PMFBP1: variants seen among roughly 807,000 people sequenced by gnomAD.
PMFBP1 encodes polyamine modulated factor 1 binding protein 1.
Under a neutral mutation model 137.8 loss-of-function variants are expected in PMFBP1, and 131 were observed. The observed-to-expected ratio is 0.95, with a 90% CI of 0.82 to 1.10. The LOEUF (loss-of-function observed/expected upper bound fraction) is 1.10, where lower values mean the gene tolerates loss of function less well. PMFBP1 is among the 50% of genes least tolerant of loss of function. The probability of loss-of-function intolerance (pLI) is 0.00; values close to 1 mark genes in which losing one functional copy is unlikely to be tolerated. For missense variants in PMFBP1, 1,199 were observed against 1,175.4 expected (o/e 1.02, Z -0.29); for synonymous variants, 490 against 450.4 (o/e 1.09, Z -1.11).
Position 72,128,727 on chromosome 16 carries a change from G to A in PMFBP1, c.2018C>T (p.Ser673Phe). 3.1e-6 allele frequency: 5 copies of A among 1,614,112 alleles called. No individual in the cohort carries two copies. The highest frequency in any genetic ancestry group is 4.2e-6 in the Non-Finnish European group (5 of 1,180,002). Reference protein sequence around the residue: ...ENLRAELQCCSTQLESSLNKY... With the variant: ...ENLRAELQCCFTQLESSLNKY... ...GTTGAGAGAGGATTCCAGTTGTGTA[G>A]AACAACACTGTAGCTCTGCTCGGAG... Residue 673 changes from serine (S) to phenylalanine (F), a missense_variant, in exon 14 of 21, where the codon TCT becomes TTT. Physicochemically the swap from Ser to Phe is radical, Grantham distance 155. Transcript: ENST00000237353.
chr16:72,189,062 C>CG, the PMFBP1 span, among the ~76,000 whole-genome samples: 29 of 146,468 alleles, frequency 2.0e-4, no homozygotes, highest in East Asian at 4.6e-3. Context: ...TTAGTGTTGA[C>CG]TTTTTTTTTT....
At chr16:72,126,929 G>T (rs2042468831) in intron 14 of PMFBP1, among the ~76,000 whole-genome samples, 1 of 152,174 alleles carries the variant, frequency 6.6e-6, no homozygotes, top group Non-Finnish European at 1.5e-5. Flanking sequence ...TTTTTATGAT[G>T]ATCAAATGAG....
intron 4 of PMFBP1, among the ~76,000 whole-genome samples, chr16:72,153,921 TACACACACACACAC>T (rs3223525): frequency 7.0e-4 from 94 of 134,046 alleles, no homozygotes; most frequent in Non-Finnish European, 1.1e-3. Context: ...GATGGACTTA[TACACACACACACAC>T]ACACACACAC....
chr16:72,171,379 G>C, intron 1 of PMFBP1, 111 bp from the exon 2 acceptor site: 1 of 674,952 alleles, frequency 1.5e-6, no homozygotes, highest in Non-Finnish European at 2.5e-6. Flanking sequence ...AAATTTTCCT[G>C]AACTGTTAGC....
upstream of PMFBP1, among the ~76,000 whole-genome samples, chr16:72,180,088 T>C (rs1017998475): frequency 3.5e-4 from 53 of 152,296 alleles, no homozygotes; most frequent in African/African-American, 1.2e-3. Flanking sequence ...GCACAGTACA[T>C]GAGCAACCTC....
intron 5 of PMFBP1, among the ~76,000 whole-genome samples, chr16:72,149,486 C>G (rs1172674424): frequency 2.0e-5 from 3 of 152,102 alleles, no homozygotes; most frequent in Non-Finnish European, 4.4e-5. Context: ...GTAGTACATC[C>G]CTACTACAGA....
At chr16:72,128,303 C>G (rs941130635) in intron 14 of PMFBP1, 3 of 1,115,948 alleles carry the variant, frequency 2.7e-6, no homozygotes, top group Non-Finnish European at 3.5e-6. Context: ...CCCCTTTCAT[C>G]TCCTTTTTGT....
intron 2 of PMFBP1, among the ~76,000 whole-genome samples, chr16:72,169,326 T>C (rs2043188573): frequency 6.6e-6 from 1 of 152,242 alleles, no homozygotes; most frequent in African/African-American, 2.4e-5. Flanking sequence ...TTCACTTGTG[T>C]AATAGTAGAG....
the PMFBP1 span, among the ~76,000 whole-genome samples, chr16:72,205,322 G>A: frequency 1.3e-5 from 2 of 152,374 alleles, no homozygotes; most frequent in South Asian, 4.1e-4. Context: ...AGGGCGGTTG[G>A]CCTTGTGTTG....
the PMFBP1 span, among the ~76,000 whole-genome samples, chr16:72,234,848 T>C: frequency 6.6e-6 from 1 of 152,186 alleles, no homozygotes; most frequent in African/African-American, 2.4e-5. Context: ...CTTCACTGGA[T>C]AAATTTTTAT....
chr16:72,206,934 T>C, the PMFBP1 span, among the ~76,000 whole-genome samples: 1 of 152,116 alleles, frequency 6.6e-6, no homozygotes, highest in African/African-American at 2.4e-5. Context: ...GTCCTTCCCA[T>C]TACTTTATGT....
At chr16:72,123,015 G>T in intron 18 of PMFBP1, 27 bp from the exon 19 acceptor site, 1 of 1,598,624 alleles carries the variant, frequency 6.3e-7, no homozygotes. Context: ...GGAGAAAACA[G>T]CAGCCAGTCG....
chr16:72,181,790 TTTAG>T (rs1221140202), upstream of PMFBP1, among the ~76,000 whole-genome samples: 1 of 152,182 alleles, frequency 6.6e-6, no homozygotes, highest in African/African-American at 2.4e-5. Flanking sequence ...TTCTGGTAGG[TTTAG>T]TTAAATAAAT....
chr16:72,144,315 C>G (rs1322117000), intron 5 of PMFBP1, among the ~76,000 whole-genome samples: 2 of 151,852 alleles, frequency 1.3e-5, no homozygotes, highest in Non-Finnish European at 2.9e-5. Flanking sequence ...AAAAAAATGG[C>G]CAAGAAAAAA....
chr16:72,222,618 C>T, the PMFBP1 span, among the ~76,000 whole-genome samples: 2 of 152,068 alleles, frequency 1.3e-5, no homozygotes, highest in African/African-American at 2.4e-5. Context: ...TGCTATGTAA[C>T]GGTGCTGAGG....
the PMFBP1 span, among the ~76,000 whole-genome samples, chr16:72,209,451 T>G: frequency 6.6e-6 from 1 of 152,032 alleles, no homozygotes; most frequent in Non-Finnish European, 1.5e-5. Context: ...TATATCATTT[T>G]GTATATAGAT....
At chr16:72,244,190 G>T in the PMFBP1 span, among the ~76,000 whole-genome samples, 10 of 152,140 alleles carry the variant, frequency 6.6e-5, no homozygotes, top group East Asian at 1.9e-3. Flanking sequence ...TGATGAAATC[G>T]GTTCAGTCAA....
intron 4 of PMFBP1, 77 bp downstream of exon 4, chr16:72,154,134 T>C: frequency 6.4e-7 from 1 of 1,551,390 alleles, no homozygotes; most frequent in Non-Finnish European, 8.7e-7. Context: ...GTCCAGCGTC[T>C]GCTTTCTAGT....
chr16:72,228,273 GGTGAAAGGAAGGTTCTGA>G, the PMFBP1 span, among the ~76,000 whole-genome samples: 2 of 152,080 alleles, frequency 1.3e-5, no homozygotes, highest in Non-Finnish European at 2.9e-5. Context: ...TGGCCTACTG[GGTGAAAGGAAGGTTCTGA>G]GTATCGTGTA....
Sources: allele counts gnomAD v4.1 joint callset (sites outside exome capture counted in the v4.1 genomes callset), GRCh38; gene constraint gnomAD v4.1.1; transcripts MANE v1.5; gene names NCBI Gene and HGNC (gene_info 2026-07-23, HGNC 2026-07-21).